The following PCSK6 variants were observed in gnomAD, a reference collection of about 807,000 sequenced individuals.
PCSK6 encodes paired basic amino acid cleaving enzyme 4.
PCSK6 carries 85 observed loss-of-function variants against 123.3 expected under a neutral mutation model. The ratio of observed to expected loss-of-function variants is 0.69; its 90% CI spans 0.58 to 0.83. The LOEUF is 0.83. Among genes scored for constraint, PCSK6 ranks in the 40% least tolerant of loss-of-function variants. The pLI, the probability that PCSK6 is intolerant of heterozygous loss-of-function variation, is 0.00. For missense variants in PCSK6, 1,191 were observed against 1,282.3 expected (o/e 0.93, Z 1.09); for synonymous variants, 508 against 516.0 (o/e 0.98, Z 0.21).
chr15:101,397,930 G>C (rs2042463086), intron 7 of PCSK6, among the ~76,000 whole-genome samples: 1 of 152,238 alleles, frequency 6.6e-6, no homozygotes, highest in Non-Finnish European at 1.5e-5. Flanking sequence ...GCGCTGGTGG[G>C]GGACACCCCG....
At position 101,474,243 on chromosome 15, in the gene PCSK6, T is replaced by C. The variant is rs199653135; in HGVS notation, c.297+15131A>G. Among the ~76,000 whole-genome samples, 136 of 152,308 alleles carry C rather than the reference T, an allele frequency of 8.9e-4. 3 individuals are homozygous for C. In the East Asian group the frequency reaches 0.022, roughly 25 times the overall value. On this transcript the variant is annotated intron_variant, in intron 1 of 21. Coordinates refer to ENST00000611716, the MANE Select transcript of PCSK6 (RefSeq NM_002570.5). ...GACTGAATTCAATGGCGGCCAAAAATGGACTTATTTTTCCATGTTAAAATC... is the reference window on the plus strand; with the variant it reads ...GACTGAATTCAATGGCGGCCAAAAACGGACTTATTTTTCCATGTTAAAATC...
rs1371475559 is a variant in PCSK6 at position 101,489,622 on chromosome 15, CCCGGGGCGGCGG to C, written c.37_48del (p.Pro13_Arg16del). 26 of 974,042 alleles carry C rather than the reference CCCGGGGCGGCGG, an allele frequency of 2.7e-5. No homozygotes were observed. In the African/African-American group the frequency reaches 4.3e-4, roughly 16 times the overall value. The allele number at this position is 974,042 out of a possible 1,614,324, so 60.3% of individuals were successfully genotyped here. A position where few individuals can be genotyped will look rare whatever the true frequency, so the allele number is the denominator to read the frequency against. On this transcript the variant is annotated inframe_deletion, in exon 1 of 22. Coordinates refer to ENST00000611716, the MANE Select transcript of PCSK6 (RefSeq NM_002570.5). ...GCGGCGGTGTCGGTGGCGGCGGCGG[CCCGGGGCGGCGG>C]CCGGGGCCCGGGCGCAGGCGGCGCG...
At chr15:101,401,206 T>C (rs1015048421) in intron 6 of PCSK6, among the ~76,000 whole-genome samples, 15 of 152,216 alleles carry the variant, frequency 9.9e-5, no homozygotes, top group Non-Finnish European at 2.9e-5. Context: ...TCAACAACAG[T>C]GCTAGAGACA....
At chr15:101,471,736 G>A (rs2057609382) in intron 1 of PCSK6, among the ~76,000 whole-genome samples, 1 of 152,220 alleles carries the variant, frequency 6.6e-6, no homozygotes, top group Non-Finnish European at 1.5e-5. Flanking sequence ...AACCCCTACT[G>A]AGATTCAGAA....
intron 11 of PCSK6, among the ~76,000 whole-genome samples, chr15:101,372,192 G>A (rs556293981): frequency 1.8e-4 from 28 of 152,058 alleles, no homozygotes; most frequent in Non-Finnish European, 3.7e-4. Flanking sequence ...ATTCTTCAGT[G>A]CAGACCCACC....
At chr15:101,359,497 T>A (rs2041146720) in intron 13 of PCSK6, among the ~76,000 whole-genome samples, 1 of 152,234 alleles carries the variant, frequency 6.6e-6, no homozygotes, top group Admixed American at 6.5e-5. Context: ...GACTAATTAA[T>A]CCGCCAACAC....
chr15:101,336,081 C>G lies in PCSK6; in HGVS notation c.1859-4050G>C, dbSNP rs150918729. On this transcript the variant is annotated intron_variant, in intron 13 of 21. Coordinates refer to ENST00000611716, the MANE Select transcript of PCSK6 (RefSeq NM_002570.5). ...GGAAATGTCATTTTGCAGCACACGA[C>G]TACACAAATAGTGCTCTATCCTTGG... 6.0e-3 allele frequency among the ~76,000 whole-genome samples: 910 copies of G among 152,354 alleles called. 15 individuals carry two copies. Among genetic ancestry groups the G allele is most frequent in the Admixed American group, 0.036 (552 of 15,298 alleles).
At chr15:101,312,499 G>A (rs1363393467) in intron 20 of PCSK6, 1 of 147,966 alleles carries the variant, frequency 6.8e-6, no homozygotes, top group Non-Finnish European at 1.5e-5. Flanking sequence ...TGAGGAAATT[G>A]TCAGGATCTT....
rs1207452533 is a variant in PCSK6, at chr15:101,381,969, A to G, written c.1532+123T>C. The G allele has an allele frequency of 4.6e-6, 3 of 652,276 alleles. No homozygotes were observed. The Admixed American group carries it at 7.8e-5, about 17-fold the overall frequency. 40.4% of individuals were successfully genotyped at this position (652,276 alleles called of 1,614,324 possible). On this transcript the variant is annotated intron_variant, in intron 11 of 21. Coordinates refer to ENST00000611716, the MANE Select transcript of PCSK6 (RefSeq NM_002570.5). Reference sequence around the variant, plus strand: ...AAAACGCAGACGTGTGCAGGCATGCATCGTGCACACGCACATGTGCACAGA... The same window carrying G: ...AAAACGCAGACGTGTGCAGGCATGCGTCGTGCACACGCACATGTGCACAGA...
At chr15:101,306,053 T>C (rs2039715661) in intron 21 of PCSK6, among the ~76,000 whole-genome samples, 1 of 147,892 alleles carries the variant, frequency 6.8e-6, no homozygotes, top group South Asian at 2.1e-4. Context: ...AGGAAGACTG[T>C]AGGGGAGGCC....
chr15:101,395,337 T>A (rs1466109310), intron 7 of PCSK6, among the ~76,000 whole-genome samples: 1 of 152,076 alleles, frequency 6.6e-6, no homozygotes, highest in Non-Finnish European at 1.5e-5. Flanking sequence ...AGAGTGTGCA[T>A]CCCTAATGAG....
Position 101,462,809 on chromosome 15 carries a change from C to T in PCSK6, c.298-19149G>A, listed in dbSNP as rs548794556. Among the ~76,000 whole-genome samples, 49 of 152,266 alleles carry T rather than the reference C, an allele frequency of 3.2e-4. No homozygotes were observed. The South Asian group carries it at 8.7e-3, about 27-fold the overall frequency. On this transcript the variant is annotated intron_variant, in intron 1 of 21. Transcript: ENST00000611716. ...AGTAAAACTAAAACTTGTAGGAGGA[C>T]GTCTGAGAGTGGGTTGGATATCTTC... is the stretch of plus-strand genomic sequence containing the variant.
chr15:101,432,647 G>C (rs929958959), intron 2 of PCSK6, among the ~76,000 whole-genome samples: 10 of 151,846 alleles, frequency 6.6e-5, no homozygotes, highest in Non-Finnish European at 1.5e-4. Context: ...AAAAGACAGA[G>C]AGAGAGAGAG....
At chr15:101,329,289 G>A (rs1420456593) in intron 15 of PCSK6, among the ~76,000 whole-genome samples, 4 of 152,192 alleles carry the variant, frequency 2.6e-5, no homozygotes, top group African/African-American at 4.8e-5. Flanking sequence ...GTGCTTTGCC[G>A]TTGCGCGCTC....
chr15:101,313,314 G>A (rs1260774018), intron 20 of PCSK6, 62 bp downstream of exon 20: 2 of 1,611,818 alleles, frequency 1.2e-6, no homozygotes, highest in Non-Finnish European at 1.7e-6. Context: ...GCCAGACTCT[G>A]CCCTCCAGGC....
chr15:101,313,576 G>T, intron 19 of PCSK6, 71 bp from the exon 20 acceptor site: 1 of 1,528,788 alleles, frequency 6.5e-7, no homozygotes, highest in Non-Finnish European at 8.7e-7. Context: ...GCCTGCTTCA[G>T]GGCCTTGTGA....
At chr15:101,449,971 G>T (rs980983606) in intron 1 of PCSK6, among the ~76,000 whole-genome samples, 20 of 152,010 alleles carry the variant, frequency 1.3e-4, no homozygotes, top group African/African-American at 4.8e-4. Context: ...CTCCTGGCAG[G>T]ACCCCTAGGT....
At chr15:101,347,612 T>C in intron 13 of PCSK6, 1 of 1,534,414 alleles carries the variant, frequency 6.5e-7, no homozygotes, top group Non-Finnish European at 8.8e-7. Flanking sequence ...TCCAAAGTGC[T>C]GAGCCTCTGG....
chr15:101,420,084 G>A (rs1369496936), intron 6 of PCSK6, among the ~76,000 whole-genome samples: 2 of 151,580 alleles, frequency 1.3e-5, no homozygotes, highest in African/African-American at 2.4e-5. Context: ...CCAGGTACTC[G>A]GGAGGCTGAG....
Sources: gnomAD v4.1 joint callset for allele counts (sites outside exome capture counted in the v4.1 genomes callset) on GRCh38, gnomAD v4.1.1 for gene constraint, MANE v1.5 for transcripts, NCBI Gene and HGNC (gene_info 2026-07-23, HGNC 2026-07-21) for gene names.